Variants in NLRP5 observed in about 807,000 individuals in gnomAD.
NLRP5 encodes the protein NACHT, LRR and PYD domains-containing protein 5.
NLRP5 carries 93 observed loss-of-function variants against 113.1 expected under a neutral mutation model. The observed-to-expected ratio is 0.82, with a 90% confidence interval of 0.70 to 0.98. The LOEUF (loss-of-function observed/expected upper bound fraction) is 0.98, where lower values mean the gene tolerates loss of function less well. Ranked by LOEUF, NLRP5 falls within the 50% of genes least tolerant of loss-of-function variation. The pLI, the probability that NLRP5 is intolerant of heterozygous loss-of-function variation, is 0.00. For missense variants in NLRP5, 1,808 were observed against 1,514.3 expected (o/e 1.19, Z -3.22); for synonymous variants, 751 against 600.7 (o/e 1.25, Z -3.66).
At chr19:56,032,214 A>C (rs1443964095) in intron 7 of NLRP5, among the ~76,000 whole-genome samples, 1 of 152,088 alleles carries the variant, frequency 6.6e-6, no homozygotes, top group Admixed American at 6.6e-5. Flanking sequence ...GCATGATGGC[A>C]TGCGCCTGTA....
chr19:56,039,556 C>T (rs771403984), intron 10 of NLRP5, among the ~76,000 whole-genome samples: 10 of 152,256 alleles, frequency 6.6e-5, no homozygotes, highest in African/African-American at 1.2e-4. Flanking sequence ...GTTCTCTTTA[C>T]GGGAAAACAC....
intron 12 of NLRP5, 62 bp downstream of exon 12, chr19:56,050,650 T>G: frequency 6.6e-7 from 1 of 1,517,298 alleles, no homozygotes; most frequent in Non-Finnish European, 9.0e-7. Context: ...TCCTGAAAGG[T>G]CAAGAGATAG....
intron 11 of NLRP5, among the ~76,000 whole-genome samples, chr19:56,046,410 G>GTGTGTGTGTGTGTT (rs1983727183): frequency 1.0e-4 from 15 of 150,212 alleles, no homozygotes; most frequent in South Asian, 2.1e-4. Context: ...GTGTGTGTGT[G>GTGTGTGTGTGTGTT]TGTGTGTGTG....
intron 1 of NLRP5, chr19:55,999,814 G>T: frequency 6.3e-7 from 1 of 1,576,954 alleles, no homozygotes; most frequent in South Asian, 1.1e-5. Flanking sequence ...AGTTACCTAT[G>T]AGGAAACCGA....
At chr19:56,023,506 A>G (rs1244234617) in intron 6 of NLRP5, among the ~76,000 whole-genome samples, 1 of 152,220 alleles carries the variant, frequency 6.6e-6, no homozygotes, top group African/African-American at 2.4e-5. Context: ...CGAAATCCGA[A>G]TTTGCTACAT....
At position 56,003,933 on chromosome 19, in the gene NLRP5, T is replaced by C. The variant is rs773551212; in HGVS notation, c.280T>C (p.Cys94Arg). Residue 94 changes from cysteine to arginine, a missense_variant, in exon 2 of 15, where the codon TGC (cysteine) becomes CGC (arginine). Cys to Arg is a radical substitution (Grantham distance 180). Transcript: ENST00000390649. The stretch of plus-strand genomic sequence containing the variant: ...GAAGAAATCTTCAGAATCGACCACA[T>C]GCTCTATTCCACAGTTTGAAATCGA... 4 of 1,614,042 alleles carry C rather than the reference T, an allele frequency of 2.5e-6. No homozygotes were observed. The highest frequency in any genetic ancestry group is 3.4e-6 in the Non-Finnish European group (4 of 1,179,894).
chr19:56,001,999 T>A (rs1371955125), intron 1 of NLRP5, among the ~76,000 whole-genome samples: 1 of 152,144 alleles, frequency 6.6e-6, no homozygotes, highest in African/African-American at 2.4e-5. Flanking sequence ...TTTGAGAGAT[T>A]TAGGAATTAT....
At position 56,022,810 on chromosome 19, in the gene NLRP5, C is replaced by T. The variant is rs535962392; in HGVS notation, c.679+2379C>T. Among the ~76,000 whole-genome samples the T allele has an allele frequency of 1.2e-3, 186 of 152,216 alleles. No homozygotes were observed. The Middle Eastern group carries it at 0.014, about 11-fold the overall frequency. The stretch of plus-strand genomic sequence containing the variant: ...CGCGATCTCAGCTCACTGCAACCTC[C>T]GCCTCCCAGGTTCAAGCGATGCTCC... On this transcript the variant is annotated intron_variant, in intron 6 of 14. Coordinates refer to ENST00000390649, the MANE Select transcript of NLRP5 (RefSeq NM_153447.4).
intron 12 of NLRP5, among the ~76,000 whole-genome samples, chr19:56,052,220 G>T (rs1229872176): frequency 6.6e-6 from 1 of 151,686 alleles, no homozygotes; most frequent in African/African-American, 2.4e-5. Context: ...TGTGTGTTTT[G>T]TTTGGTTTTG....
chr19:55,989,430 T>G, the NLRP5 span, among the ~76,000 whole-genome samples: 4 of 152,086 alleles, frequency 2.6e-5, no homozygotes, highest in African/African-American at 7.2e-5. Flanking sequence ...TTTTCATATT[T>G]TTAGTAGAGA....
At position 56,041,020 on chromosome 19, in the gene NLRP5, G is replaced by A. The variant is rs1230424758; in HGVS notation, c.2885G>A (p.Ser962Asn). ...ACACACCTGTGCCTATCCAACAACA[G>A]CCTGGGGAACGAAGGTGTAAATCTA... Residue 962 changes from serine (S) to asparagine (N), a missense_variant, in exon 11 of 15, where the codon AGC becomes AAC. Coordinates refer to ENST00000390649, the MANE Select transcript of NLRP5 (RefSeq NM_153447.4). 1 of 1,614,000 alleles carries A rather than the reference G, an allele frequency of 6.2e-7. No homozygotes were observed. The highest frequency in any genetic ancestry group is 1.1e-5 in the South Asian group (1 of 91,090).
chr19:56,027,415 G>C lies in NLRP5; in HGVS notation c.1182G>C (p.Leu394=), dbSNP rs921456282. 2 of 1,613,478 alleles carry C rather than the reference G, an allele frequency of 1.2e-6. No individual in the cohort carries two copies. Among genetic ancestry groups the C allele is most frequent in the Admixed American group, 1.7e-5 (1 of 59,934 alleles). The change falls in exon 7 of 15, where the codon CTG becomes CTC. Residue 394 remains leucine (L), a synonymous_variant. Coordinates refer to ENST00000390649, the MANE Select transcript of NLRP5 (RefSeq NM_153447.4). ...CTCCGTTCACCCTCATACGCAGTCT[G>C]CTGAGGAAGGTCCTGCTCCCTGAGT...
intron 3 of NLRP5, among the ~76,000 whole-genome samples, chr19:56,011,215 C>G (rs1334049783): frequency 4.0e-5 from 6 of 151,878 alleles, no homozygotes; most frequent in South Asian, 2.1e-4. Flanking sequence ...CTTGAAGACA[C>G]TAGGCTAAGT....
At chr19:56,047,533 T>C in intron 11 of NLRP5, among the ~76,000 whole-genome samples, 1 of 152,198 alleles carries the variant, frequency 6.6e-6, no homozygotes, top group East Asian at 1.9e-4. Flanking sequence ...GTTTGCATGG[T>C]TTTGAAGGTT....
At chr19:56,003,365 G>T (rs1981729612) in intron 1 of NLRP5, among the ~76,000 whole-genome samples, 1 of 152,162 alleles carries the variant, frequency 6.6e-6, no homozygotes, top group Non-Finnish European at 1.5e-5. Context: ...TGTTGGCCAG[G>T]CTGGTCTTGA....
At position 56,027,445 on chromosome 19, in the gene NLRP5, C is replaced by G. The variant is rs1982907296; in HGVS notation, c.1212C>G (p.Phe404Leu). Residue 404 changes from phenylalanine to leucine, a missense_variant, in exon 7 of 15, where the codon TTC (phenylalanine) becomes TTG (leucine). Transcript: ENST00000390649. ...GGAAGGTCCTGCTCCCTGAGTCCTT[C>G]CTGATCGTCACCGTCAGAGACGTGG... is the stretch of plus-strand genomic sequence containing the variant. 6.2e-7 allele frequency: 1 copy of G among 1,613,542 alleles called. No individual in the cohort carries two copies. Among genetic ancestry groups the G allele is most frequent in the Non-Finnish European group, 8.5e-7 (1 of 1,179,778 alleles).
At chr19:56,008,269 C>T (rs1158535862) in intron 2 of NLRP5, among the ~76,000 whole-genome samples, 1 of 151,986 alleles carries the variant, frequency 6.6e-6, no homozygotes, top group Non-Finnish European at 1.5e-5. Flanking sequence ...AGAGAGAACG[C>T]AGTGTCATGG....
At chr19:56,047,622 A>T (rs569469168) in intron 11 of NLRP5, among the ~76,000 whole-genome samples, 6 of 152,290 alleles carry the variant, frequency 3.9e-5, no homozygotes, top group Non-Finnish European at 8.8e-5. Flanking sequence ...TCTTAAATTT[A>T]TTGAAGCTCA....
At chr19:55,997,194 T>C (rs1981353890), upstream of NLRP5, among the ~76,000 whole-genome samples, 1 of 152,194 alleles carries the variant, frequency 6.6e-6, no homozygotes, top group South Asian at 2.1e-4. Flanking sequence ...TTTGTTTTTT[T>C]TCTTGTAAAT....
Sources: gnomAD v4.1 joint callset for allele counts (sites outside exome capture counted in the v4.1 genomes callset) on GRCh38, gnomAD v4.1.1 for gene constraint, MANE v1.5 for transcripts, NCBI Gene and HGNC (gene_info 2026-07-23, HGNC 2026-07-21) for gene names.